The following FANCI variants were observed in gnomAD, a reference collection of about 807,000 sequenced individuals.
FANCI encodes FA complementation group I.
Under a neutral mutation model 176.1 loss-of-function variants are expected in FANCI, and 156 were observed. The observed-to-expected ratio is 0.89, with a 90% CI of 0.78 to 1.01. FANCI has a LOEUF of 1.01. FANCI is among the 50% of genes least tolerant of loss of function. FANCI has a pLI of 0.00. For missense variants in FANCI, 1,678 were observed against 1,534.1 expected (o/e 1.09, Z -1.57); for synonymous variants, 613 against 541.7 (o/e 1.13, Z -1.83).
intron 34 of FANCI, among the ~76,000 whole-genome samples, chr15:89,308,845 C>CT (rs1396957121): frequency 1.3e-5 from 2 of 151,904 alleles, no homozygotes; most frequent in African/African-American, 4.8e-5. Flanking sequence ...ACTTGGGAGG[C>CT]TGAGGCAGGA....
intron 27 of FANCI, among the ~76,000 whole-genome samples, chr15:89,303,572 G>C (rs974993229): frequency 7.2e-5 from 11 of 152,190 alleles, no homozygotes; most frequent in African/African-American, 2.7e-4. Context: ...GGGCGCTTTA[G>C]CCCTAGACCA....
At chr15:89,258,927 T>C (rs773163472) in intron 3 of FANCI, 151 bp downstream of exon 3, 10 of 660,508 alleles carry the variant, frequency 1.5e-5, no homozygotes, top group Non-Finnish European at 2.4e-5. Flanking sequence ...CAGTTTCCTG[T>C]CTAGTGGACT....
chr15:89,273,290 A>C, intron 10 of FANCI, 87 bp from the exon 11 acceptor site: 1 of 743,628 alleles, frequency 1.3e-6, no homozygotes, highest in Non-Finnish European at 2.3e-6. Context: ...GGCAACAGAG[A>C]GACCCAATCT....
chr15:89,314,215 A>T (rs563375601), intron 35 of FANCI, among the ~76,000 whole-genome samples: 4 of 152,150 alleles, frequency 2.6e-5, no homozygotes, highest in Admixed American at 6.5e-5. Flanking sequence ...ACAAATTACA[A>T]TTCACGTTAG....
rs2055283787 is a variant in FANCI at position 89,316,837 on chromosome 15, AG to A, written c.*379del. ...ATATCCAGCGCTTCACCTGAAAGATAGTGCAAATTGGTTAGGATGCCACCTC... is the reference window on the plus strand; with the variant it reads ...ATATCCAGCGCTTCACCTGAAAGATATGCAAATTGGTTAGGATGCCACCTC... On this transcript the variant is annotated 3_prime_UTR_variant, in exon 38 of 38. Transcript: ENST00000310775. The A allele has an allele frequency of 6.2e-7, 1 of 1,607,260 alleles. No homozygotes were observed. The highest frequency in any genetic ancestry group is 8.5e-7 in the Non-Finnish European group (1 of 1,173,828).
Position 89,313,033 on chromosome 15 carries a change from G to C in FANCI, c.3720+61G>C, listed in dbSNP as rs749830851. 1.7e-4 allele frequency: 245 copies of C among 1,480,464 alleles called. 2 individuals are homozygous for C. The highest frequency in any genetic ancestry group is 4.7e-4 in the South Asian group (42 of 88,432). The allele number at this position is 1,480,464 out of a possible 1,614,324, so 91.7% of individuals were successfully genotyped here. Reference sequence around the variant, plus strand: ...TTGGTGAACCCGAAAACATGAAGCGGAAGAAGCCAGTGACAAAAAGACCAC... The same window carrying C: ...TTGGTGAACCCGAAAACATGAAGCGCAAGAAGCCAGTGACAAAAAGACCAC... On this transcript the variant is annotated intron_variant, in intron 35 of 37. Transcript: ENST00000310775.
At chr15:89,250,536 G>A (rs1241260213) in intron 2 of FANCI, among the ~76,000 whole-genome samples, 1 of 141,964 alleles carries the variant, frequency 7.0e-6, no homozygotes, top group Non-Finnish European at 1.5e-5. Context: ...CACACACCGG[G>A]GCCTGTTGTG....
chr15:89,305,252 T>C lies in FANCI; in HGVS notation c.3186+10T>C. The C allele has an allele frequency of 6.2e-7, 1 of 1,614,224 alleles. No homozygotes were observed. The highest frequency in any genetic ancestry group is 8.5e-7 in the Non-Finnish European group (1 of 1,180,034). On this transcript the variant is annotated intron_variant, in intron 29 of 37. Coordinates refer to ENST00000310775, the MANE Select transcript of FANCI (RefSeq NM_001113378.2). ...GGGAGATATAGACCAGGTACTATAA[T>C]GAGCCTTCAGTACAATACCCTGTGT... is the stretch of plus-strand genomic sequence containing the variant.
intron 31 of FANCI, 126 bp from the exon 32 acceptor site, chr15:89,305,881 C>G (rs572197481): frequency 9.3e-7 from 1 of 1,072,218 alleles, no homozygotes; most frequent in Non-Finnish European, 1.4e-6. Flanking sequence ...TTAATTCACT[C>G]TGCATATTGA....
intron 14 of FANCI, among the ~76,000 whole-genome samples, chr15:89,279,788 T>G (rs1262657064): frequency 6.6e-6 from 1 of 152,176 alleles, no homozygotes; most frequent in African/African-American, 2.4e-5. Flanking sequence ...TCCCTCATAC[T>G]GTCATTGTTT....
chr15:89,290,841 T>C (rs371907285), intron 19 of FANCI, among the ~76,000 whole-genome samples: 2 of 152,320 alleles, frequency 1.3e-5, no homozygotes, highest in African/African-American at 4.8e-5. Context: ...GTGATAGTTA[T>C]GAAATTTCAT....
chr15:89,305,363 A>G lies in FANCI; in HGVS notation c.3209A>G (p.Asn1070Ser). The change falls in exon 30 of 38, where the codon AAC (asparagine) becomes AGC (serine). Residue 1070 changes from asparagine to serine, a missense_variant. Around this residue, in one of 3 missense-constraint regions of FANCI, gnomAD observed 1,204 missense variants for 1,077.4 expected, o/e 1.12. Coordinates refer to ENST00000310775, the MANE Select transcript of FANCI (RefSeq NM_001113378.2). Reference protein sequence around the residue: ...IDQDVEVEKTNHFAIVNLRTA... With the variant: ...IDQDVEVEKTSHFAIVNLRTA... ...CAGGATGTAGAGGTGGAGAAAACAA[A>G]CCACTTTGCAATAGTGAATTTGAGA... 1 of 1,614,020 alleles carries G rather than the reference A, an allele frequency of 6.2e-7. No homozygotes were observed. Among genetic ancestry groups the G allele is most frequent in the Non-Finnish European group, 8.5e-7 (1 of 1,180,000 alleles).
intron 4 of FANCI, 100 bp downstream of exon 4, chr15:89,260,943 T>A: frequency 7.0e-7 from 1 of 1,425,672 alleles, no homozygotes; most frequent in South Asian, 1.2e-5. Flanking sequence ...AGCATAGTCC[T>A]TATTTATGAG....
chr15:89,280,743 T>A (rs912625764), intron 14 of FANCI, among the ~76,000 whole-genome samples: 4 of 152,186 alleles, frequency 2.6e-5, no homozygotes, highest in South Asian at 2.1e-4. Flanking sequence ...TTTAAAAAAA[T>A]TTTTTTACTT....
intron 1 of FANCI, chr15:89,245,177 C>CT (rs71149284): frequency 0.044 from 6,092 of 137,794 alleles, 433 homozygotes; most frequent in African/African-American, 0.17. Context: ...CTTTTCTTTT[C>CT]TTTTTTTTTT....
intron 19 of FANCI, among the ~76,000 whole-genome samples, chr15:89,291,312 G>T (rs533545128): frequency 2.0e-5 from 3 of 152,260 alleles, no homozygotes; most frequent in Admixed American, 6.5e-5. Flanking sequence ...GACTCAGCCA[G>T]TCTGACTCTG....
At chr15:89,260,445 A>G (rs2052666962) in intron 3 of FANCI, among the ~76,000 whole-genome samples, 1 of 152,228 alleles carries the variant, frequency 6.6e-6, no homozygotes, top group Non-Finnish European at 1.5e-5. Flanking sequence ...TGGACTTCTC[A>G]AAAGCTGTAA....
chr15:89,276,811 GAAACCAGCCCAAGTCTTTCTAGAATGCC>G lies in FANCI; in HGVS notation c.1222_1249del (p.Pro408MetfsTer19), dbSNP rs2053427707. 6.2e-7 allele frequency: 1 copy of G among 1,614,028 alleles called. No individual in the cohort carries two copies. Among genetic ancestry groups the G allele is most frequent in the African/African-American group, 1.3e-5 (1 of 74,922 alleles). On this transcript the variant is annotated frameshift_variant, in exon 13 of 38. Transcript: ENST00000310775. LOFTEE classifies it high-confidence loss of function. ...GAAGGTTCTTGATGGAAAAACTATTGAAACCAGCCCAAGTCTTTCTAGAATGCCAAACCAGCATGCATGTAAGCTCGGA... is the reference window on the plus strand; with the variant it reads ...GAAGGTTCTTGATGGAAAAACTATTGAAACCAGCATGCATGTAAGCTCGGA...
chr15:89,259,325 T>C (rs1019830876), intron 3 of FANCI: 1 of 155,596 alleles, frequency 6.4e-6, no homozygotes, highest in Admixed American at 6.2e-5. Context: ...TAATTAGGTA[T>C]GTTAACTTGG....
Sources: gnomAD v4.1 joint callset for allele counts (sites outside exome capture counted in the v4.1 genomes callset) on GRCh38, gnomAD v4.1.1 for gene constraint, gnomAD v4.1.1 regional missense constraint, MANE v1.5 for transcripts, NCBI Gene and HGNC (gene_info 2026-07-23, HGNC 2026-07-21) for gene names.